The following PPA2 variants were observed in gnomAD, a reference collection of about 807,000 sequenced individuals.
PPA2 encodes inorganic pyrophosphatase 2, mitochondrial.
A neutral mutation model predicts 49.5 loss-of-function variants in PPA2; 48 were observed. The observed-to-expected ratio is 0.97, with a 90% CI of 0.77 to 1.23. The LOEUF (loss-of-function observed/expected upper bound fraction) is 1.23, where lower values mean the gene tolerates loss of function less well. Among genes scored for constraint, PPA2 ranks in the 50% most tolerant of loss-of-function variants. The pLI is 0.00. For missense variants in PPA2, 429 were observed against 410.1 expected (o/e 1.05, Z -0.40); for synonymous variants, 131 against 139.9 (o/e 0.94, Z 0.45).
Position 105,399,117 on chromosome 4 carries a change from G to C in PPA2, c.703C>G (p.Leu235Val). Residue 235 changes from leucine to valine, a missense_variant, in exon 8 of 12, where the codon CTT (leucine) becomes GTT (valine). Coordinates refer to ENST00000341695, the MANE Select transcript of PPA2 (RefSeq NM_176869.3). ...KFKPGYLEAT[L>V]NWFRLYKVPD... is the part of the protein sequence containing the mutation. ...ACCTTATATAATCTAAACCAATTAA[G>C]AGTAGCTTCCAGGTAACCCGGTTTG... 1 of 1,610,128 alleles carries C rather than the reference G, an allele frequency of 6.2e-7. No homozygotes were observed. The highest frequency in any genetic ancestry group is 8.5e-7 in the Non-Finnish European group (1 of 1,178,822).
intron 1 of PPA2, among the ~76,000 whole-genome samples, chr4:105,463,544 C>T (rs773633622): frequency 6.6e-6 from 1 of 152,206 alleles, no homozygotes; most frequent in Non-Finnish European, 1.5e-5. Flanking sequence ...GCCAAATGTT[C>T]GTCCCCAAGA....
rs1166262416 is a variant in PPA2 at position 105,456,717 on chromosome 4, G to C, written c.186C>G (p.Pro62=). The C allele has an allele frequency of 1.2e-6, 2 of 1,607,252 alleles. No homozygotes were observed. Among genetic ancestry groups the C allele is most frequent in the South Asian group, 2.2e-5 (2 of 90,136 alleles). ...TCACCTTCAGAGGAATATCATGAAA[G>C]GGGGAAATGTAGTGACCAGTTACAT... The part of the protein sequence containing the change: ...FKNVTGHYIS[P]FHDIPLKVNS... The change falls in exon 2 of 12, where the codon CCC becomes CCG. Residue 62 remains proline, a synonymous_variant. Coordinates refer to ENST00000341695, the MANE Select transcript of PPA2 (RefSeq NM_176869.3).
rs76601279 is a variant in PPA2 at position 105,456,497 on chromosome 4, T to C, written c.222+184A>G. 0.025 allele frequency: 13,996 copies of C among 549,434 alleles called. 244 individuals carry two copies. Among genetic ancestry groups the C allele is most frequent in the South Asian group, 0.043 (2,075 of 47,902 alleles). The allele number at this position is 549,434 out of a possible 1,614,324, so 34.0% of individuals were successfully genotyped here. On this transcript the variant is annotated intron_variant, in intron 2 of 11. Coordinates refer to ENST00000341695, the MANE Select transcript of PPA2 (RefSeq NM_176869.3). ...AACACCCCTTTCTCCCAATTCCTCATGGAAGAATCCTATTCTCATACAACT... is the reference window on the plus strand; with the variant it reads ...AACACCCCTTTCTCCCAATTCCTCACGGAAGAATCCTATTCTCATACAACT...
At chr4:105,376,473 T>C (rs113169064) in intron 10 of PPA2, among the ~76,000 whole-genome samples, 3,102 of 152,308 alleles carry the variant, frequency 0.02, 48 homozygotes, top group Middle Eastern at 0.061. Flanking sequence ...ATCATCACTA[T>C]CATCTCTGAG....
chr4:105,473,569 G>A, intron 1 of PPA2: 1 of 538,760 alleles, frequency 1.9e-6, no homozygotes, highest in Non-Finnish European at 3.5e-6. Flanking sequence ...ATGGCTGCAG[G>A]CCGCCGCGGG....
At chr4:105,403,057 C>T (rs947267578) in intron 7 of PPA2, among the ~76,000 whole-genome samples, 1 of 151,774 alleles carries the variant, frequency 6.6e-6, no homozygotes, top group Admixed American at 6.6e-5. Flanking sequence ...CAGTGTCTTG[C>T]TCTGTCACAT....
chr4:105,388,111 C>A (rs896845809), intron 9 of PPA2, among the ~76,000 whole-genome samples: 2 of 152,082 alleles, frequency 1.3e-5, no homozygotes, highest in African/African-American at 4.8e-5. Context: ...ATATAAAATA[C>A]ATAACAACCA....
intron 7 of PPA2, among the ~76,000 whole-genome samples, chr4:105,421,560 G>A (rs1245286703): frequency 6.6e-6 from 1 of 152,070 alleles, no homozygotes; most frequent in Non-Finnish European, 1.5e-5. Flanking sequence ...AAACACTGTT[G>A]ACTAAAAATA....
chr4:105,405,037 CCT>C, intron 7 of PPA2: 1 of 235,642 alleles, frequency 4.2e-6, no homozygotes, highest in African/African-American at 2.3e-5. Flanking sequence ...GAGCCAAGAT[CCT>C]GCCACTGCAC....
At chr4:105,447,826 T>C (rs189613266) in intron 4 of PPA2, among the ~76,000 whole-genome samples, 1 of 151,886 alleles carries the variant, frequency 6.6e-6, no homozygotes, top group Admixed American at 6.6e-5. Flanking sequence ...CTCTGCCTCC[T>C]GGAAGCAAGC....
chr4:105,418,733 C>T (rs1560621921), intron 7 of PPA2, among the ~76,000 whole-genome samples: 2 of 152,098 alleles, frequency 1.3e-5, no homozygotes, highest in Non-Finnish European at 2.9e-5. Flanking sequence ...TATTTAAAGG[C>T]CAAACAAAAG....
intron 11 of PPA2, 146 bp downstream of exon 11, chr4:105,370,691 T>G: frequency 8.7e-7 from 1 of 1,153,916 alleles, no homozygotes; most frequent in Non-Finnish European, 1.1e-6. Context: ...CATCTGAAAT[T>G]TTAGCGACTA....
rs951339848 is a variant in PPA2 at position 105,403,687 on chromosome 4, G to A, written c.656-4523C>T. The stretch of plus-strand genomic sequence containing the variant: ...TTTTTCTTAACTAACTTTGGTTTAT[G>A]TTTCTATAAAAGAAAACCTATAATA... On this transcript the variant is annotated intron_variant, in intron 7 of 11. Transcript: ENST00000341695. Among the ~76,000 whole-genome samples the A allele has an allele frequency of 5.9e-5, 9 of 152,026 alleles. No homozygotes were observed. The East Asian group carries it at 1.5e-3, about 26-fold the overall frequency.
intron 5 of PPA2, among the ~76,000 whole-genome samples, 170 bp from the exon 6 acceptor site, chr4:105,438,206 T>C (rs376523591): frequency 9.9e-5 from 15 of 152,266 alleles, no homozygotes; most frequent in East Asian, 1.9e-4. Context: ...AGGATCATAA[T>C]ATTTAAAACA....
chr4:105,432,241 T>C (rs1723839957), intron 6 of PPA2, among the ~76,000 whole-genome samples: 1 of 152,226 alleles, frequency 6.6e-6, no homozygotes, highest in Non-Finnish European at 1.5e-5. Flanking sequence ...GGTTCGCTTC[T>C]TTCCAATACC....
At chr4:105,411,819 A>C (rs1722772185) in intron 7 of PPA2, among the ~76,000 whole-genome samples, 1 of 152,218 alleles carries the variant, frequency 6.6e-6, no homozygotes, top group African/African-American at 2.4e-5. Flanking sequence ...GAGCCAAATC[A>C]TGAGTGAACT....
intron 1 of PPA2, among the ~76,000 whole-genome samples, chr4:105,464,504 T>G (rs1480834119): frequency 6.6e-6 from 1 of 152,132 alleles, no homozygotes; most frequent in Non-Finnish European, 1.5e-5. Context: ...GAAGGCATGT[T>G]GGTTTTGAAA....
At chr4:105,370,055 T>C (rs1732959651) in intron 11 of PPA2, among the ~76,000 whole-genome samples, 1 of 152,226 alleles carries the variant, frequency 6.6e-6, no homozygotes, top group Non-Finnish European at 1.5e-5. Flanking sequence ...AGTGCTATAA[T>C]ATGAAAGGTT....
chr4:105,392,771 A>T (rs1318102174), intron 9 of PPA2, among the ~76,000 whole-genome samples: 1 of 152,228 alleles, frequency 6.6e-6, no homozygotes, highest in Non-Finnish European at 1.5e-5. Flanking sequence ...GGCATTAGGA[A>T]TATAAAGATG....
Sources: gnomAD v4.1 joint callset for allele counts (sites outside exome capture counted in the v4.1 genomes callset) on GRCh38, gnomAD v4.1.1 for gene constraint, MANE v1.5 for transcripts, NCBI Gene and HGNC (gene_info 2026-07-23, HGNC 2026-07-21) for gene names.